The following TAFA1 variants were observed in gnomAD, a reference collection of about 807,000 sequenced individuals.
TAFA1 encodes the protein TAFA chemokine like family member 1.
In TAFA1, 4 loss-of-function variants were observed where a neutral mutation model predicts 18.5. The ratio of observed to expected loss-of-function variants is 0.22; its 90% CI spans 0.11 to 0.49. The LOEUF is 0.49. Ranked by LOEUF, TAFA1 falls within the 20% of genes least tolerant of loss-of-function variation. The pLI is 0.98. For synonymous variants in TAFA1, 56 were observed against 55.2 expected (o/e 1.01, Z -0.06); for missense variants, 147 against 169.0 (o/e 0.87, Z 0.72).
chr3:68,241,800 A>G (rs1470963884), intron 2 of TAFA1, among the ~76,000 whole-genome samples: 1 of 152,146 alleles, frequency 6.6e-6, no homozygotes, highest in African/African-American at 2.4e-5. Flanking sequence ...TTTATTTTTC[A>G]TCCGCCATGG....
chr3:68,456,644 A>G (rs2071671429), intron 3 of TAFA1, among the ~76,000 whole-genome samples: 1 of 152,172 alleles, frequency 6.6e-6, no homozygotes, highest in African/African-American at 2.4e-5. Context: ...ATCACATTGG[A>G]GTCTATGGGT....
chr3:68,219,433 T>C (rs2066703395), intron 2 of TAFA1, among the ~76,000 whole-genome samples: 1 of 152,158 alleles, frequency 6.6e-6, no homozygotes, highest in African/African-American at 2.4e-5. Flanking sequence ...ACCCTATCTT[T>C]TGGCCTTTTC....
intron 2 of TAFA1, among the ~76,000 whole-genome samples, chr3:68,156,353 C>T (rs149555509): frequency 7.9e-5 from 12 of 152,280 alleles, no homozygotes; most frequent in Non-Finnish European, 1.3e-4. Context: ...TTGTAAGCAA[C>T]GCTGCCTGGT....
intron 2 of TAFA1, among the ~76,000 whole-genome samples, chr3:68,321,463 A>G (rs2106706666): frequency 6.6e-6 from 1 of 152,320 alleles, no homozygotes; most frequent in South Asian, 2.1e-4. Context: ...TAATAAATAA[A>G]TGAAATTGTA....
intron 2 of TAFA1, among the ~76,000 whole-genome samples, chr3:68,389,827 G>A (rs971162461): frequency 1.6e-4 from 25 of 152,210 alleles, no homozygotes; most frequent in Non-Finnish European, 2.8e-4. Context: ...GGTGCTATCC[G>A]GCCCAGATAC....
At chr3:68,470,444 G>C (rs1331394622) in intron 3 of TAFA1, among the ~76,000 whole-genome samples, 1 of 152,198 alleles carries the variant, frequency 6.6e-6, no homozygotes, top group Non-Finnish European at 1.5e-5. Context: ...CTCAGAAGAA[G>C]ACAGAAAAAT....
chr3:68,287,909 G>T (rs113741730), intron 2 of TAFA1, among the ~76,000 whole-genome samples: 13 of 115,814 alleles, frequency 1.1e-4, no homozygotes, highest in Admixed American at 1.1e-3. Flanking sequence ...GTTTTTGTTG[G>T]GGGGTGGGGG....
chr3:68,037,350 C>T (rs1456748061), intron 2 of TAFA1, among the ~76,000 whole-genome samples: 1 of 152,100 alleles, frequency 6.6e-6, no homozygotes, highest in Non-Finnish European at 1.5e-5. Flanking sequence ...TGTATCATGT[C>T]GAAGAATTTG....
chr3:68,263,899 C>T (rs2067487852), intron 2 of TAFA1, among the ~76,000 whole-genome samples: 1 of 152,198 alleles, frequency 6.6e-6, no homozygotes, highest in Non-Finnish European at 1.5e-5. Context: ...TAATGCATAT[C>T]AATATCTGTG....
At chr3:68,403,493 A>G (rs1156778127) in intron 2 of TAFA1, among the ~76,000 whole-genome samples, 1 of 152,196 alleles carries the variant, frequency 6.6e-6, no homozygotes, top group Non-Finnish European at 1.5e-5. Context: ...TGTAGGCCAA[A>G]TCTGGTGCAC....
At chr3:68,298,316 G>A (rs2068247169) in intron 2 of TAFA1, among the ~76,000 whole-genome samples, 1 of 152,196 alleles carries the variant, frequency 6.6e-6, no homozygotes, top group Non-Finnish European at 1.5e-5. Flanking sequence ...GAGGGTCCAT[G>A]TAGGGGCTGA....
At chr3:68,217,306 C>A (rs1206439417) in intron 2 of TAFA1, among the ~76,000 whole-genome samples, 1 of 151,794 alleles carries the variant, frequency 6.6e-6, no homozygotes, top group East Asian at 1.9e-4. Flanking sequence ...CTTCCTCCCC[C>A]AAACCCATAA....
intron 3 of TAFA1, among the ~76,000 whole-genome samples, chr3:68,468,428 T>C (rs115059496): frequency 0.019 from 2,839 of 152,320 alleles, 103 homozygotes; most frequent in African/African-American, 0.064. Context: ...AAAGATGTCA[T>C]TGAAGTTCTT....
intron 3 of TAFA1, 184 bp downstream of exon 3, chr3:68,417,604 G>GT (rs34877887): frequency 8.3e-6 from 5 of 604,504 alleles, no homozygotes; most frequent in Admixed American, 6.5e-5. Context: ...TTATTTGAAT[G>GT]TTTTTTCCCC....
chr3:68,232,451 A>G (rs2066883166), intron 2 of TAFA1, among the ~76,000 whole-genome samples: 1 of 152,162 alleles, frequency 6.6e-6, no homozygotes, highest in South Asian at 2.1e-4. Flanking sequence ...TTATCCGTTC[A>G]TCTATTGATG....
intron 2 of TAFA1, among the ~76,000 whole-genome samples, chr3:68,101,277 A>T (rs936240241): frequency 1.3e-5 from 2 of 150,290 alleles, no homozygotes; most frequent in Non-Finnish European, 3.0e-5. Context: ...TTTTATTTTT[A>T]TTTTTATTTT....
rs1389025246 is a variant in TAFA1 at position 68,159,200 on chromosome 3, G to T, written c.118+152456G>T. On this transcript the variant is annotated intron_variant, in intron 2 of 4. Coordinates refer to ENST00000478136, the MANE Select transcript of TAFA1 (RefSeq NM_213609.4). Reference sequence around the variant, plus strand: ...AGAAGATGATAGCACACCACCTGCAGGGGTGAGGAGCCCCATTCTGAGATC... The same window carrying T: ...AGAAGATGATAGCACACCACCTGCATGGGTGAGGAGCCCCATTCTGAGATC... 5.3e-5 allele frequency among the ~76,000 whole-genome samples: 8 copies of T among 152,214 alleles called. 1 individual carries two copies. The highest frequency in any genetic ancestry group is 5.2e-4 in the Admixed American group (8 of 15,282).
At chr3:68,490,982 G>T (rs370472100) in intron 3 of TAFA1, among the ~76,000 whole-genome samples, 4 of 152,024 alleles carry the variant, frequency 2.6e-5, no homozygotes. Flanking sequence ...GGAACTATGG[G>T]TGTACACTGC....
At chr3:68,012,215 C>A (rs1204614843) in intron 2 of TAFA1, among the ~76,000 whole-genome samples, 1 of 152,154 alleles carries the variant, frequency 6.6e-6, no homozygotes, top group Non-Finnish European at 1.5e-5. Flanking sequence ...GTAAAATGTG[C>A]AAATCCTGAC....
Sources: gnomAD v4.1 joint callset for allele counts (sites outside exome capture counted in the v4.1 genomes callset) on GRCh38, gnomAD v4.1.1 for gene constraint, MANE v1.5 for transcripts, NCBI Gene and HGNC (gene_info 2026-07-23, HGNC 2026-07-21) for gene names.